The following PGS1 variants were observed in gnomAD, a reference collection of about 807,000 sequenced individuals.
PGS1 encodes the protein CDP-diacylglycerol--glycerol-3-phosphate 3-phosphatidyltransferase, mitochondrial.
Under a neutral mutation model 58.3 loss-of-function variants are expected in PGS1, and 44 were observed. The ratio of observed to expected loss-of-function variants is 0.75; its 90% confidence interval spans 0.59 to 0.97. The LOEUF (loss-of-function observed/expected upper bound fraction) is 0.97, where lower values mean the gene tolerates loss of function less well. Ranked by LOEUF, PGS1 falls within the 50% of genes least tolerant of loss-of-function variation. The probability of loss-of-function intolerance (pLI) is 0.00; values close to 1 mark genes in which losing one functional copy is unlikely to be tolerated. For missense variants in PGS1, 684 were observed against 731.1 expected (o/e 0.94, Z 0.74); for synonymous variants, 330 against 311.0 (o/e 1.06, Z -0.64).
In PGS1 at chr17:78,392,703, C is replaced by T. The variant is rs367619034; in HGVS notation, c.333+38C>T. The T allele has an allele frequency of 2.6e-6, 4 of 1,554,720 alleles. No homozygotes were observed. The African/African-American group carries it at 5.5e-5, about 21-fold the overall frequency. The stretch of plus-strand genomic sequence containing the variant: ...TAAAGGAAAGAAGTTTGAGTTAGAG[C>T]TTTTGGGGGATCAGGTTGGTGAGTC... On this transcript the variant is annotated intron_variant, in intron 2 of 9. Transcript: ENST00000262764.
At chr17:78,395,723 C>T (rs1021300901) in intron 2 of PGS1, among the ~76,000 whole-genome samples, 1 of 152,178 alleles carries the variant, frequency 6.6e-6, no homozygotes, top group African/African-American at 2.4e-5. Flanking sequence ...ACATTGGAAA[C>T]TGCAGATGGG....
At chr17:78,419,702 C>T (rs969340417) in intron 9 of PGS1, 27 bp downstream of exon 9, 3 of 1,610,850 alleles carry the variant, frequency 1.9e-6, no homozygotes, top group Admixed American at 1.7e-5. Context: ...CACCTCTCAG[C>T]ACGATTTTCC....
At chr17:78,395,239 A>T (rs1010019050) in intron 2 of PGS1, among the ~76,000 whole-genome samples, 1 of 152,226 alleles carries the variant, frequency 6.6e-6, no homozygotes, top group East Asian at 1.9e-4. Flanking sequence ...CCTGAACTAA[A>T]TTGTCTTATG....
chr17:78,393,686 T>C (rs2083001296), intron 2 of PGS1, among the ~76,000 whole-genome samples: 1 of 152,154 alleles, frequency 6.6e-6, no homozygotes, highest in Non-Finnish European at 1.5e-5. Flanking sequence ...CTTGGTTCTT[T>C]AGGGACTCTG....
rs915885345 is a variant in PGS1 at position 78,404,200 on chromosome 17, A to G, written c.1402+111A>G. On this transcript the variant is annotated intron_variant, in intron 7 of 9. Transcript: ENST00000262764. ...TAGAGTGCTGTACTTCTCCCTTCCTACCTTCCCAGCAGCCCTTGCAGGCAC... is the reference window on the plus strand; with the variant it reads ...TAGAGTGCTGTACTTCTCCCTTCCTGCCTTCCCAGCAGCCCTTGCAGGCAC... The G allele has an allele frequency of 6.6e-6, 8 of 1,210,458 alleles. No homozygotes were observed. The Admixed American group carries it at 2.0e-4, about 30-fold the overall frequency. The allele number at this position is 1,210,458 out of a possible 1,614,324, so 75.0% of individuals were successfully genotyped here. A position where few individuals can be genotyped will look rare whatever the true frequency, so the allele number is the denominator to read the frequency against.
chr17:78,381,481 T>C (rs987171806), intron 1 of PGS1, among the ~76,000 whole-genome samples: 4 of 152,200 alleles, frequency 2.6e-5, no homozygotes, highest in African/African-American at 9.7e-5. Context: ...TGATTCGTTG[T>C]GGCCTTGGTG....
chr17:78,398,431 A>G (rs2146193601), intron 4 of PGS1, 80 bp downstream of exon 4: 1 of 946,064 alleles, frequency 1.1e-6, no homozygotes, highest in Admixed American at 1.8e-5. Flanking sequence ...TCACCCCCTC[A>G]TCCCCAGGCA....
chr17:78,423,740 C>A, intron 9 of PGS1: 1 of 902,506 alleles, frequency 1.1e-6, no homozygotes, highest in Non-Finnish European at 1.7e-6. Flanking sequence ...TCTTCCACAC[C>A]AACCTCCACC....
intron 9 of PGS1, chr17:78,421,600 C>T (rs2085750704): frequency 6.6e-6 from 1 of 152,276 alleles, no homozygotes; most frequent in Non-Finnish European, 1.5e-5. Flanking sequence ...ATTACGGTGT[C>T]CTGTGGGACA....
At chr17:78,403,539 C>T (rs1284971313) in intron 6 of PGS1, 29 bp from the exon 7 acceptor site, 1 of 1,598,850 alleles carries the variant, frequency 6.3e-7, no homozygotes, top group Non-Finnish European at 8.5e-7. Context: ...ATTTCTCTTC[C>T]CTTCACTCTT....
Position 78,384,723 on chromosome 17 carries a change from G to A in PGS1, c.143+5915G>A, listed in dbSNP as rs151267221. Among the ~76,000 whole-genome samples the A allele has an allele frequency of 1.5e-3, 229 of 152,248 alleles. 2 individuals carry two copies. The highest frequency in any genetic ancestry group is 5.1e-3 in the African/African-American group (212 of 41,552). On this transcript the variant is annotated intron_variant, in intron 1 of 9. Coordinates refer to ENST00000262764, the MANE Select transcript of PGS1 (RefSeq NM_024419.5). The stretch of plus-strand genomic sequence containing the variant: ...GTGAGGACAGCCCTCCAGCTTTACC[G>A]TACTCTTTCATCAAAGTCCTACATA...
chr17:78,401,503 G>A (rs1014173327), intron 6 of PGS1, among the ~76,000 whole-genome samples: 8 of 152,210 alleles, frequency 5.3e-5, no homozygotes, highest in South Asian at 2.1e-4. Context: ...TGATTCCTGC[G>A]GCTGTGGCTC....
At chr17:78,417,773 CAG>C in intron 8 of PGS1, among the ~76,000 whole-genome samples, 1 of 151,474 alleles carries the variant, frequency 6.6e-6, no homozygotes, top group East Asian at 1.9e-4. Flanking sequence ...GCTGGAGACT[CAG>C]TGGAGGAGAG....
intron 7 of PGS1, among the ~76,000 whole-genome samples, chr17:78,414,499 C>T (rs996270229): frequency 6.6e-6 from 1 of 152,210 alleles, no homozygotes; most frequent in African/African-American, 2.4e-5. Flanking sequence ...GTTCGAGGCC[C>T]TGAGCTCTCT....
chr17:78,382,121 G>A (rs2082076776), intron 1 of PGS1, among the ~76,000 whole-genome samples: 1 of 152,148 alleles, frequency 6.6e-6, no homozygotes, highest in Non-Finnish European at 1.5e-5. Flanking sequence ...AAGAAGAGGG[G>A]GAGTGGATGT....
At chr17:78,389,776 A>G (rs1056656943) in intron 1 of PGS1, among the ~76,000 whole-genome samples, 2 of 148,826 alleles carry the variant, frequency 1.3e-5, no homozygotes, top group Non-Finnish European at 3.0e-5. Context: ...ACCACACCCA[A>G]CTAATTTTTT....
chr17:78,380,388 A>G (rs1207934368), intron 1 of PGS1, among the ~76,000 whole-genome samples: 3 of 152,136 alleles, frequency 2.0e-5, no homozygotes, highest in Non-Finnish European at 4.4e-5. Context: ...ATGGTGATCT[A>G]TGGTGGAAGA....
intron 6 of PGS1, among the ~76,000 whole-genome samples, 180 bp from the exon 7 acceptor site, chr17:78,403,388 A>T (rs900549295): frequency 4.6e-5 from 7 of 152,108 alleles, no homozygotes; most frequent in African/African-American, 1.7e-4. Context: ...GTCTTGGGCA[A>T]ACTATATCCC....
chr17:78,423,627 T>C (rs1433018673), intron 9 of PGS1: 6 of 419,520 alleles, frequency 1.4e-5, no homozygotes, highest in Admixed American at 7.2e-5. Flanking sequence ...CTGCTGGGAA[T>C]TGGGGCCTTT....
Sources: gnomAD v4.1 joint callset for allele counts (sites outside exome capture counted in the v4.1 genomes callset) on GRCh38, gnomAD v4.1.1 for gene constraint, MANE v1.5 for transcripts, NCBI Gene and HGNC (gene_info 2026-07-23, HGNC 2026-07-21) for gene names.